The following ODF2 variants were observed in gnomAD, a reference collection of about 807,000 sequenced individuals.
The protein encoded by ODF2 is outer dense fiber protein 2.
ODF2 carries 47 observed loss-of-function variants against 110.2 expected under a neutral mutation model. The ratio of observed to expected loss-of-function variants is 0.43; its 90% CI spans 0.34 to 0.54. The LOEUF is 0.54. ODF2 is among the 20% of genes least tolerant of loss of function. The pLI, the probability that ODF2 is intolerant of heterozygous loss-of-function variation, is 0.03. For synonymous variants in ODF2, 352 were observed against 397.7 expected (o/e 0.89, Z 1.37); for missense variants, 812 against 1,054.5 (o/e 0.77, Z 3.19).
chr9:128,473,788 C>T, intron 8 of ODF2, 47 bp downstream of exon 8: 1 of 1,535,540 alleles, frequency 6.5e-7, no homozygotes, highest in East Asian at 2.3e-5. Flanking sequence ...CATGCCCATC[C>T]TCTCTGAGCC....
chr9:128,498,751 T>C (rs1223819912), intron 19 of ODF2, among the ~76,000 whole-genome samples, 176 bp downstream of exon 19: 1 of 152,224 alleles, frequency 6.6e-6, no homozygotes, highest in Non-Finnish European at 1.5e-5. Flanking sequence ...TGATTGCTCA[T>C]TTACTCACTA....
intron 7 of ODF2, 66 bp downstream of exon 7, chr9:128,473,108 G>A (rs1213298712): frequency 6.2e-6 from 10 of 1,606,414 alleles, no homozygotes; most frequent in South Asian, 1.1e-5. Flanking sequence ...TGCAGGCTGG[G>A]CAGGGTCTTT....
chr9:128,464,212 A>G (rs1224524960), intron 4 of ODF2, among the ~76,000 whole-genome samples: 2 of 140,900 alleles, frequency 1.4e-5, no homozygotes, highest in African/African-American at 5.4e-5. Context: ...CTGGAGTGCA[A>G]TGGTGCAATC....
In ODF2 at chr9:128,456,374, C is replaced by T. The variant is rs117393148; in HGVS notation, c.-209+119C>T. 9.3e-3 allele frequency: 13,352 copies of T among 1,428,170 alleles called. 275 individuals carry two copies. The highest frequency in any genetic ancestry group is 0.092 in the East Asian group (3,164 of 34,522). The allele number at this position is 1,428,170 out of a possible 1,614,324, so 88.5% of individuals were successfully genotyped here. ...GGCCGTCGGGTCCTGGGTTCCCCGC[C>T]GCGTTGCGCTCGTCCCCCTCCTGTC... On this transcript the variant is annotated intron_variant, in intron 1 of 20. Coordinates refer to ENST00000604420, the Ensembl canonical transcript of ODF2.
intron 14 of ODF2, among the ~76,000 whole-genome samples, chr9:128,489,819 TAGTAA>T (rs1318122315): frequency 6.6e-6 from 1 of 152,204 alleles, no homozygotes; most frequent in African/African-American, 2.4e-5. Flanking sequence ...TGTCACTGAG[TAGTAA>T]AGTAGTTACT....
chr9:128,474,444 G>C lies in ODF2; in HGVS notation c.843+703G>C, dbSNP rs1244378264. On this transcript the variant is annotated intron_variant, in intron 8 of 20. Coordinates refer to ENST00000604420, the Ensembl canonical transcript of ODF2. Reference sequence around the variant, plus strand: ...GGAGGCGGAGGTTGCGGTGAGCTGAGATCGCGTCACTGCACTCTAGCCTGG... The same window carrying C: ...GGAGGCGGAGGTTGCGGTGAGCTGACATCGCGTCACTGCACTCTAGCCTGG... Among the ~76,000 whole-genome samples the C allele has an allele frequency of 2.0e-5, 3 of 152,062 alleles. No homozygotes were observed. In the East Asian group the frequency reaches 5.8e-4, roughly 30 times the overall value.
intron 4 of ODF2, 95 bp downstream of exon 4, chr9:128,461,162 G>A: frequency 2.0e-6 from 3 of 1,488,010 alleles, no homozygotes; most frequent in Non-Finnish European, 2.7e-6. Flanking sequence ...ATAGCTACTG[G>A]AATGTCCTAA....
intron 4 of ODF2, among the ~76,000 whole-genome samples, chr9:128,462,642 C>T (rs962006539): frequency 1.3e-5 from 2 of 151,696 alleles, no homozygotes; most frequent in Admixed American, 6.6e-5. Context: ...CTCTGTCACC[C>T]AGGCTGGAGT....
chr9:128,482,727 G>A, intron 9 of ODF2, 89 bp from the exon 10 acceptor site: 2 of 955,822 alleles, frequency 2.1e-6, no homozygotes, highest in Admixed American at 2.4e-5. Context: ...TTGGGCCCCA[G>A]TGGCCAGGTA....
intron 2 of ODF2, among the ~76,000 whole-genome samples, chr9:128,458,461 C>CAA (rs55782363): frequency 2.3e-4 from 17 of 72,804 alleles, no homozygotes; most frequent in East Asian, 1.0e-3. Context: ...GACTCTATCT[C>CAA]AAAAAAAAAA....
chr9:128,499,438 T>C (rs760658835), intron 20 of ODF2, among the ~76,000 whole-genome samples: 5 of 151,970 alleles, frequency 3.3e-5, no homozygotes, highest in Non-Finnish European at 5.9e-5. Context: ...TACAAGTATG[T>C]GCCACCATCC....
chr9:128,474,871 G>A (rs916163499), intron 8 of ODF2, among the ~76,000 whole-genome samples: 2 of 151,784 alleles, frequency 1.3e-5, no homozygotes, highest in Admixed American at 1.3e-4. Context: ...GGCTAAGGTA[G>A]GAGAATCACT....
chr9:128,471,209 C>T (rs761518286), intron 5 of ODF2, 99 bp from the exon 6 acceptor site: 26 of 1,281,736 alleles, frequency 2.0e-5, no homozygotes, highest in South Asian at 9.4e-5. Context: ...CCACCACGCC[C>T]GGCCGGGGCC....
intron 14 of ODF2, among the ~76,000 whole-genome samples, chr9:128,489,445 C>T (rs1316617734): frequency 6.6e-6 from 1 of 152,194 alleles, no homozygotes; most frequent in East Asian, 1.9e-4. Context: ...TAACTGCTAG[C>T]CCATCTCCTG....
At chr9:128,498,638 C>A in intron 19 of ODF2, 63 bp downstream of exon 19, 1 of 916,806 alleles carries the variant, frequency 1.1e-6, no homozygotes, top group Non-Finnish European at 1.7e-6. Context: ...AAACTCTCAG[C>A]TTATTTCTCC....
At chr9:128,457,005 G>A in intron 1 of ODF2, 1 of 1,251,224 alleles carries the variant, frequency 8.0e-7, no homozygotes, top group African/African-American at 1.5e-5. Flanking sequence ...GCCCACTTGG[G>A]GCCGAGCGGT....
At chr9:128,475,086 A>G (rs909223976) in intron 8 of ODF2, among the ~76,000 whole-genome samples, 16 of 121,952 alleles carry the variant, frequency 1.3e-4, no homozygotes, top group African/African-American at 5.1e-4. Context: ...AAAAAATTAC[A>G]TATTTACTGA....
chr9:128,483,001 T>C (rs1842711628), intron 10 of ODF2, 114 bp downstream of exon 10: 4 of 767,836 alleles, frequency 5.2e-6, no homozygotes, highest in Middle Eastern at 3.5e-4. Flanking sequence ...ATTTGAGTGA[T>C]TCTCCTGCCT....
At chr9:128,455,189 T>C, upstream of ODF2, 7 of 1,535,290 alleles carry the variant, frequency 4.6e-6, no homozygotes, top group East Asian at 1.2e-4. Flanking sequence ...TGAAGCATAA[T>C]TGAGAAGATG....
Sources: gnomAD v4.1 joint callset for allele counts (sites outside exome capture counted in the v4.1 genomes callset) on GRCh38, gnomAD v4.1.1 for gene constraint, MANE v1.5 for transcripts, NCBI Gene and HGNC (gene_info 2026-07-23, HGNC 2026-07-21) for gene names.